Variants in EBF3 observed in about 807,000 individuals in gnomAD.
EBF3 encodes the protein EBF transcription factor 3, also known as transcription factor COE3.
Under a neutral mutation model 77.1 loss-of-function variants are expected in EBF3, and 18 were observed. That is an observed-to-expected ratio of 0.23 (90% CI 0.16 to 0.35). The LOEUF is 0.35. EBF3 is among the 10% of genes least tolerant of loss of function. The pLI, the probability that EBF3 is intolerant of heterozygous loss-of-function variation, is 1.00. For synonymous variants in EBF3, 350 were observed against 343.5 expected (o/e 1.02, Z -0.21); for missense variants, 558 against 860.0 (o/e 0.65, Z 4.39).
intron 6 of EBF3, among the ~76,000 whole-genome samples, chr10:129,883,085 C>T (rs7069444): frequency 0.022 from 3,373 of 152,326 alleles, 136 homozygotes; most frequent in African/African-American, 0.077. Context: ...AAATTACCTA[C>T]TTCTCAGCAT....
At chr10:129,923,588 G>T (rs1856456071) in intron 6 of EBF3, among the ~76,000 whole-genome samples, 2 of 152,166 alleles carry the variant, frequency 1.3e-5, no homozygotes, top group South Asian at 4.1e-4. Flanking sequence ...ACTCCGACAT[G>T]CAAAAGAGTA....
chr10:129,935,172 A>C lies in EBF3; in HGVS notation c.554+22086T>G, dbSNP rs954230120. Reference sequence around the variant, plus strand: ...CATTTTCCTGTCTCCACTCCAGCCAAATGTAGCCACATTGTGAGCTGCTTC... The same window carrying C: ...CATTTTCCTGTCTCCACTCCAGCCACATGTAGCCACATTGTGAGCTGCTTC... On this transcript the variant is annotated intron_variant, in intron 6 of 16. Coordinates refer to ENST00000440978, the MANE Select transcript of EBF3 (RefSeq NM_001375380.1). This position sits in a 1 kb window ranked among gnomAD's most constrained non-coding sequence, Gnocchi z 4.2. Among the ~76,000 whole-genome samples the C allele has an allele frequency of 3.3e-5, 5 of 152,122 alleles. No homozygotes were observed. The highest frequency in any genetic ancestry group is 9.7e-5 in the African/African-American group (4 of 41,426).
intron 7 of EBF3, among the ~76,000 whole-genome samples, chr10:129,877,319 C>A (rs1268916423): frequency 6.6e-6 from 1 of 151,790 alleles, no homozygotes; most frequent in Admixed American, 6.6e-5. Flanking sequence ...ATTGAAACCC[C>A]ATCTCTACTA....
In EBF3 at chr10:129,943,465, TC is replaced by T. The variant is rs1857937524; in HGVS notation, c.554+13792del. On this transcript the variant is annotated intron_variant, in intron 6 of 16. Coordinates refer to ENST00000440978, the MANE Select transcript of EBF3 (RefSeq NM_001375380.1). This position sits in a 1 kb window ranked among gnomAD's most constrained non-coding sequence, Gnocchi z 8.8. ...TGATGTCCCTTGGGATTTGTGGTTT[TC>T]TCCATCATTATATAACTGTAAACTT... Among the ~76,000 whole-genome samples, 1 of 152,202 alleles carries T rather than the reference TC, an allele frequency of 6.6e-6. No individual in the cohort carries two copies. Among genetic ancestry groups the T allele is most frequent in the African/African-American group, 2.4e-5 (1 of 41,454 alleles).
chr10:129,930,369 C>T (rs1403146230), intron 6 of EBF3, among the ~76,000 whole-genome samples: 1 of 151,612 alleles, frequency 6.6e-6, no homozygotes, highest in East Asian at 1.9e-4. Context: ...ATTAACAAAT[C>T]CCCCTCTCAT....
At chr10:129,887,041 T>A (rs1360381059) in intron 6 of EBF3, among the ~76,000 whole-genome samples, 1 of 18,104 alleles carries the variant, frequency 5.5e-5, no homozygotes, top group Non-Finnish European at 1.1e-4. Context: ...AGAGGCTGGG[T>A]GGGGGTTGTG....
chr10:129,955,005 T>C (rs1395245586), intron 6 of EBF3, among the ~76,000 whole-genome samples: 2 of 152,186 alleles, frequency 1.3e-5, no homozygotes, highest in African/African-American at 2.4e-5. Context: ...TGCCCTCCTA[T>C]AGGTATTCCT....
At chr10:129,904,459 T>C (rs973815768) in intron 6 of EBF3, among the ~76,000 whole-genome samples, 1 of 151,852 alleles carries the variant, frequency 6.6e-6, no homozygotes, top group Admixed American at 6.6e-5. Flanking sequence ...AATGGATGGA[T>C]GGACAGACAA....
At chr10:129,859,802 C>T (rs1851495333) in intron 10 of EBF3, among the ~76,000 whole-genome samples, 1 of 152,224 alleles carries the variant, frequency 6.6e-6, no homozygotes, top group African/African-American at 2.4e-5. Context: ...GCCTGATGTC[C>T]AGCCGTGTAG....
At chr10:129,854,547 G>A (rs926134684) in intron 10 of EBF3, among the ~76,000 whole-genome samples, 3 of 152,044 alleles carry the variant, frequency 2.0e-5, no homozygotes, top group African/African-American at 4.8e-5. Context: ...GTAATACCCC[G>A]CTTCTTAAGA....
intron 8 of EBF3, among the ~76,000 whole-genome samples, chr10:129,869,142 A>G (rs1233928086): frequency 6.6e-6 from 1 of 152,146 alleles, no homozygotes; most frequent in Non-Finnish European, 1.5e-5. Context: ...GTCCTCCAAG[A>G]GAAGAGGAAG....
intron 6 of EBF3, among the ~76,000 whole-genome samples, chr10:129,945,965 C>T (rs985713645): frequency 2.1e-4 from 31 of 149,920 alleles, no homozygotes; most frequent in Admixed American, 2.0e-3. Context: ...TTATTCAGGG[C>T]ATTAGTAAAA....
At chr10:129,839,230 G>T in intron 15 of EBF3, 35 bp from the exon 16 acceptor site, 2 of 985,560 alleles carry the variant, frequency 2.0e-6, no homozygotes, top group Non-Finnish European at 2.9e-6. Flanking sequence ...AATACTGGTT[G>T]AATGGGTTCA....
chr10:129,919,729 G>A (rs1856136360), intron 6 of EBF3, among the ~76,000 whole-genome samples: 1 of 152,144 alleles, frequency 6.6e-6, no homozygotes, highest in Admixed American at 6.5e-5. Flanking sequence ...CACTGGACTG[G>A]GGTTTGATGG....
In EBF3 at chr10:129,836,105, G is replaced by A. The variant is rs1371145551; in HGVS notation, c.*1838C>T. 6.6e-6 allele frequency: 1 copy of A among 152,646 alleles called. No homozygotes were observed. Among genetic ancestry groups the A allele is most frequent in the Non-Finnish European group, 1.5e-5 (1 of 68,046 alleles). 9.5% of individuals were successfully genotyped at this position (152,646 alleles called of 1,614,324 possible). A position where few individuals can be genotyped will look rare whatever the true frequency, so the allele number is the denominator to read the frequency against. On this transcript the variant is annotated 3_prime_UTR_variant, in exon 17 of 17. Coordinates refer to ENST00000440978, the MANE Select transcript of EBF3 (RefSeq NM_001375380.1). ...CCAGAAAGGAGAGACGGGTCATGCA[G>A]CGGGCTTGTGCTTTTTTGTGTGTGT...
intron 6 of EBF3, among the ~76,000 whole-genome samples, chr10:129,933,864 C>T (rs1450513787): frequency 2.0e-5 from 3 of 152,146 alleles, no homozygotes; most frequent in Non-Finnish European, 4.4e-5. Flanking sequence ...CCACGCTGGG[C>T]GCCAGCACCT....
At chr10:129,901,918 G>A (rs532939380) in intron 6 of EBF3, among the ~76,000 whole-genome samples, 1 of 152,282 alleles carries the variant, frequency 6.6e-6, no homozygotes, top group Admixed American at 6.5e-5. Context: ...ATCACAATCC[G>A]GCGGAATCCG....
At chr10:129,881,607 G>A (rs1036585762) in intron 6 of EBF3, among the ~76,000 whole-genome samples, 1 of 152,152 alleles carries the variant, frequency 6.6e-6, no homozygotes. Context: ...TTCCTCTTTC[G>A]CGGTGCACAG....
At position 129,916,103 on chromosome 10, in the gene EBF3, T is replaced by A. The variant is rs147969055; in HGVS notation, c.555-38254A>T. The stretch of plus-strand genomic sequence containing the variant: ...CTGGGACATGCCCCTCCAGCCATCA[T>A]GGAACAGGATGGGCAGGGCCGGCCC... On this transcript the variant is annotated intron_variant, in intron 6 of 16. Coordinates refer to ENST00000440978, the MANE Select transcript of EBF3 (RefSeq NM_001375380.1). Among the ~76,000 whole-genome samples the A allele has an allele frequency of 5.5e-3, 839 of 152,304 alleles. 5 individuals are homozygous for A. The highest frequency in any genetic ancestry group is 0.019 in the African/African-American group (790 of 41,572).
Sources: allele counts gnomAD v4.1 joint callset (sites outside exome capture counted in the v4.1 genomes callset), GRCh38; gene constraint gnomAD v4.1.1; non-coding constraint Gnocchi (gnomAD v3.1); transcripts MANE v1.5; gene names NCBI Gene and HGNC (gene_info 2026-07-23, HGNC 2026-07-21).